NMI: variants seen among roughly 807,000 people sequenced by gnomAD.
NMI encodes N-myc-interactor.
Under a neutral mutation model 34.3 loss-of-function variants are expected in NMI, and 39 were observed. That is an observed-to-expected ratio of 1.14 (90% CI 0.88 to 1.49). The LOEUF is 1.49. Among genes scored for constraint, NMI ranks in the 40% most tolerant of loss-of-function variants. The probability of loss-of-function intolerance (pLI) is 0.00; values close to 1 mark genes in which losing one functional copy is unlikely to be tolerated. For synonymous variants in NMI, 113 were observed against 120.3 expected (o/e 0.94, Z 0.40); for missense variants, 339 against 358.1 (o/e 0.95, Z 0.43).
intron 6 of NMI, among the ~76,000 whole-genome samples, chr2:151,274,017 T>A (rs747240859): frequency 6.6e-6 from 1 of 152,016 alleles, no homozygotes; most frequent in Non-Finnish European, 1.5e-5. Flanking sequence ...CCCACCAGGA[T>A]GTCCTAAACA....
intron 3 of NMI, 24 bp from the exon 4 acceptor site, chr2:151,279,014 T>C (rs1318842773): frequency 1.3e-6 from 2 of 1,512,280 alleles, no homozygotes; most frequent in African/African-American, 2.8e-5. Context: ...AAATGTTTGA[T>C]TAAAATCAAG....
chr2:151,289,221 C>G (rs1448007881), intron 1 of NMI: 1 of 138,012 alleles, frequency 7.2e-6, no homozygotes. Context: ...CCACTGCACT[C>G]CAGCCTGAGC....
intron 3 of NMI, among the ~76,000 whole-genome samples, chr2:151,280,377 TGA>T (rs1188683438): frequency 1.3e-5 from 2 of 152,192 alleles, no homozygotes; most frequent in Non-Finnish European, 2.9e-5. Flanking sequence ...AAATATTCAG[TGA>T]GTCATTCAAT....
chr2:151,279,686 G>A (rs1446718307), intron 3 of NMI, among the ~76,000 whole-genome samples: 3 of 152,022 alleles, frequency 2.0e-5, no homozygotes, highest in South Asian at 2.1e-4. Flanking sequence ...GTTTCACCAC[G>A]TTGGCCAGGA....
In NMI at chr2:151,278,816, C is replaced by T. The variant is rs1558876023; in HGVS notation, c.340+12G>A. 6 of 1,605,646 alleles carry T rather than the reference C, an allele frequency of 3.7e-6. No homozygotes were observed. Among genetic ancestry groups the T allele is most frequent in the Non-Finnish European group, 5.1e-6 (6 of 1,173,382 alleles). On this transcript the variant is annotated intron_variant, in intron 4 of 7. Coordinates refer to ENST00000243346, the MANE Select transcript of NMI (RefSeq NM_004688.3). ...CAAATAACATGGTCATATTTTTTAA[C>T]ATTAGTCATACCTTCTTCTTTTTCA...
At chr2:151,283,190 G>A (rs1683438881) in intron 1 of NMI, among the ~76,000 whole-genome samples, 1 of 151,602 alleles carries the variant, frequency 6.6e-6, no homozygotes, top group Admixed American at 6.6e-5. Context: ...GCCCAGGCTG[G>A]AGGGCAATGG....
chr2:151,285,589 GAA>G (rs199606248), intron 1 of NMI, among the ~76,000 whole-genome samples: 7 of 102,030 alleles, frequency 6.9e-5, no homozygotes, highest in South Asian at 3.1e-4. Flanking sequence ...CTCCATCTCA[GAA>G]AAAAAAAAAA....
chr2:151,282,556 C>G (rs1021838712), intron 2 of NMI, among the ~76,000 whole-genome samples: 1 of 152,148 alleles, frequency 6.6e-6, no homozygotes, highest in African/African-American at 2.4e-5. Context: ...GTTTAAGCTA[C>G]CTGGGCCTCC....
intron 4 of NMI, chr2:151,277,340 A>T (rs1001757632): frequency 6.6e-6 from 1 of 151,950 alleles, no homozygotes; most frequent in Non-Finnish European, 1.5e-5. Flanking sequence ...TTTCCCTCCC[A>T]CTCTTCCACA....
At chr2:151,272,711 T>C (rs553933955) in intron 6 of NMI, among the ~76,000 whole-genome samples, 1 of 152,194 alleles carries the variant, frequency 6.6e-6, no homozygotes, top group East Asian at 1.9e-4. Context: ...ACAAAATGGA[T>C]ATATAAAATA....
chr2:151,275,794 G>A lies in NMI; in HGVS notation c.411C>T (p.Ala137=), dbSNP rs775445006. 6.2e-7 allele frequency: 1 copy of A among 1,613,538 alleles called. No homozygotes were observed. Among genetic ancestry groups the A allele is most frequent in the Non-Finnish European group, 8.5e-7 (1 of 1,179,694 alleles). The change falls in exon 5 of 8, where the codon GCC becomes GCT. Residue 137 remains alanine, a synonymous_variant. Transcript: ENST00000243346. ...QIKDVNLEVT[A]KPVPLNSGVR... is the part of the protein sequence containing the mutation. ...CTCCTGAATTTAATGGAACTGGCTT[G>A]GCCGTAACCTCCAGATTTACATCTT...
At chr2:151,287,878 A>G (rs549941797) in intron 1 of NMI, among the ~76,000 whole-genome samples, 2 of 152,354 alleles carry the variant, frequency 1.3e-5, no homozygotes, top group South Asian at 2.1e-4. Context: ...AGGACATCAC[A>G]TGTATATGAA....
At chr2:151,285,029 G>A (rs532539957) in intron 1 of NMI, among the ~76,000 whole-genome samples, 5 of 152,256 alleles carry the variant, frequency 3.3e-5, no homozygotes, top group Admixed American at 1.3e-4. Context: ...CTGATTCTAG[G>A]TCTGGGGTAT....
chr2:151,278,503 G>GAACT, intron 4 of NMI: 1 of 239,128 alleles, frequency 4.2e-6, no homozygotes, highest in Non-Finnish European at 8.3e-6. Context: ...ATGTCTCTGA[G>GAACT]AACTGTACAG....
chr2:151,280,359 G>A (rs1456571520), intron 3 of NMI, among the ~76,000 whole-genome samples: 2 of 152,172 alleles, frequency 1.3e-5, no homozygotes, highest in East Asian at 3.8e-4. Flanking sequence ...AAATAACACA[G>A]AGATTAGAAA....
rs758301819 is a variant in NMI at position 151,271,649 on chromosome 2, C to G, written c.718G>C (p.Glu240Gln). The G allele has an allele frequency of 1.5e-5, 24 of 1,551,634 alleles. No homozygotes were observed. The highest frequency in any genetic ancestry group is 3.4e-5 in the Admixed American group (2 of 59,254). ...ACCTGATACTTTTTCAAGTGTATTT[C>G]TGTGTATGGAGAAACAGTAACTCTA... ...CHRVTVSPYT[E>Q]IHLKKYQIFS... Residue 240 changes from glutamate (E) to glutamine (Q), a missense_variant, in exon 7 of 8, where the codon GAA (glutamate) becomes CAA (glutamine). Glu to Gln is a conservative substitution (Grantham distance 29). Coordinates refer to ENST00000243346, the MANE Select transcript of NMI (RefSeq NM_004688.3).
chr2:151,280,591 G>A (rs1207948874), intron 3 of NMI, among the ~76,000 whole-genome samples: 1 of 152,172 alleles, frequency 6.6e-6, no homozygotes. Flanking sequence ...TGACCACACT[G>A]CGACAGACAG....
chr2:151,271,675 T>G lies in NMI; in HGVS notation c.692A>C (p.His231Pro). The G allele has an allele frequency of 6.3e-7, 1 of 1,590,770 alleles. No individual in the cohort carries two copies. Among genetic ancestry groups the G allele is most frequent in the Non-Finnish European group, 8.6e-7 (1 of 1,160,278 alleles). Reference protein sequence around the residue: ...EYPLYINQTCHRVTVSPYTEI... With the variant: ...EYPLYINQTCPRVTVSPYTEI... ...TGTGTATGGAGAAACAGTAACTCTA[T>G]GGCAGGTTTGATTTATATAAAGAGG... is the stretch of plus-strand genomic sequence containing the variant. Residue 231 changes from histidine (H) to proline (P), a missense_variant, in exon 7 of 8, where the codon CAT becomes CCT. Transcript: ENST00000243346.
chr2:151,273,681 T>A (rs1250046970), intron 6 of NMI, among the ~76,000 whole-genome samples: 2 of 151,992 alleles, frequency 1.3e-5, no homozygotes, highest in Admixed American at 1.3e-4. Flanking sequence ...AGCCAGCACA[T>A]CCGCTAATTT....
Sources: allele counts gnomAD v4.1 joint callset (sites outside exome capture counted in the v4.1 genomes callset), GRCh38; gene constraint gnomAD v4.1.1; transcripts MANE v1.5; gene names NCBI Gene and HGNC (gene_info 2026-07-23, HGNC 2026-07-21).